Variants in C3orf52 observed in about 807,000 individuals in gnomAD.
C3orf52 encodes chromosome 3 open reading frame 52, also known as TPA-induced transmembrane protein.
Under a neutral mutation model 24.8 loss-of-function variants are expected in C3orf52, and 22 were observed. The ratio of observed to expected loss-of-function variants is 0.89; its 90% CI spans 0.63 to 1.27. The LOEUF (loss-of-function observed/expected upper bound fraction) is 1.27. Among genes scored for constraint, C3orf52 ranks in the 50% most tolerant of loss-of-function variants. The pLI is 0.00. For missense variants in C3orf52, 265 were observed against 260.7 expected, an observed-to-expected ratio of 1.02 and a Z score of -0.11; for synonymous variants, 93 against 100.2, an observed-to-expected ratio of 0.93 and a Z score of 0.43.
downstream of C3orf52, chr3:112,123,181 G>C (rs1199478092): frequency 2.1e-6 from 1 of 484,910 alleles, no homozygotes; most frequent in Non-Finnish European, 3.7e-6. Context: ...AGGGGAATCA[G>C]GGAGCCCCTC....
At chr3:112,133,012 A>G (rs1198313516), downstream of C3orf52, 34 of 1,438,884 alleles carry the variant, frequency 2.4e-5, no homozygotes, top group Admixed American at 4.7e-4. Context: ...TGCTAACTGT[A>G]TACTAGCTTT....
At chr3:112,105,248 T>C (rs1389135564) in intron 3 of C3orf52, among the ~76,000 whole-genome samples, 1 of 152,148 alleles carries the variant, frequency 6.6e-6, no homozygotes, top group African/African-American at 2.4e-5. Flanking sequence ...TGAGATTACA[T>C]AAAAATAACT....
At chr3:112,090,287 CTT>C (rs386397627) in intron 1 of C3orf52, among the ~76,000 whole-genome samples, 8 of 109,028 alleles carry the variant, frequency 7.3e-5, no homozygotes, top group East Asian at 2.7e-4. Flanking sequence ...GTTTCATGTG[CTT>C]TTTTTTTTTT....
intron 2 of C3orf52, among the ~76,000 whole-genome samples, chr3:112,099,176 T>C (rs2073950376): frequency 6.6e-6 from 1 of 152,200 alleles, no homozygotes; most frequent in Non-Finnish European, 1.5e-5. Context: ...CCATCCTTGC[T>C]TCCTGTTAAG....
chr3:112,108,976 G>A (rs141058210), intron 3 of C3orf52, among the ~76,000 whole-genome samples: 16 of 152,226 alleles, frequency 1.1e-4, no homozygotes, highest in African/African-American at 3.6e-4. Flanking sequence ...GCTAGGTAGT[G>A]GAAACACAGG....
At chr3:112,133,410 T>A, downstream of C3orf52, 1 of 374,496 alleles carries the variant, frequency 2.7e-6, no homozygotes. Context: ...CTCTGGGGAA[T>A]CCCAGGTCTG....
chr3:112,124,152 C>CGCAGTTATGA, intron 4 of C3orf52, among the ~76,000 whole-genome samples: 1 of 152,302 alleles, frequency 6.6e-6, no homozygotes, highest in South Asian at 2.1e-4. Context: ...GTGCCATCCT[C>CGCAGTTATGA]GCAGTTATGA....
At chr3:112,129,674 A>G (rs2074406757), downstream of C3orf52, 1 of 152,238 alleles carries the variant, frequency 6.6e-6, no homozygotes, top group African/African-American at 2.4e-5. Context: ...CCCTGAAAAT[A>G]TGTAATTCTC....
chr3:112,109,942 A>C (rs1559974830), intron 4 of C3orf52: 1 of 247,272 alleles, frequency 4.0e-6, no homozygotes. Flanking sequence ...AATAGATCTC[A>C]GGTCGTGCTG....
At chr3:112,087,693 A>G (rs1323792976) in intron 1 of C3orf52, among the ~76,000 whole-genome samples, 1 of 152,254 alleles carries the variant, frequency 6.6e-6, no homozygotes, top group Non-Finnish European at 1.5e-5. Flanking sequence ...CCACAGAAGA[A>G]TGAAGGTTGA....
At chr3:112,087,335 C>G (rs978121554) in intron 1 of C3orf52, among the ~76,000 whole-genome samples, 1 of 152,180 alleles carries the variant, frequency 6.6e-6, no homozygotes, top group African/African-American at 2.4e-5. Flanking sequence ...TTTTCTGATT[C>G]ATCCCTAGCA....
intron 4 of C3orf52, 188 bp from the exon 5 acceptor site, chr3:112,112,776 C>T (rs1487104972): frequency 1.5e-6 from 1 of 666,918 alleles, no homozygotes; most frequent in African/African-American, 1.8e-5. Context: ...ATCACCTCAA[C>T]TTTTTGTGAT....
At chr3:112,110,538 T>C (rs1249194676) in intron 4 of C3orf52, among the ~76,000 whole-genome samples, 1 of 152,128 alleles carries the variant, frequency 6.6e-6, no homozygotes, top group African/African-American at 2.4e-5. Flanking sequence ...ACACATAGGA[T>C]ATACACACCC....
intron 4 of C3orf52, chr3:112,125,225 C>G (rs936542158): frequency 1.3e-6 from 2 of 1,563,092 alleles, no homozygotes; most frequent in Non-Finnish European, 1.8e-6. Flanking sequence ...GTTCTTATTA[C>G]CTGGATGGGA....
At chr3:112,099,839 C>T (rs1291382044) in intron 2 of C3orf52, among the ~76,000 whole-genome samples, 1 of 152,178 alleles carries the variant, frequency 6.6e-6, no homozygotes, top group Non-Finnish European at 1.5e-5. Context: ...GCAACTTTCC[C>T]ACTTACTACA....
intron 3 of C3orf52, among the ~76,000 whole-genome samples, chr3:112,103,180 G>T (rs1026020867): frequency 2.0e-5 from 3 of 152,102 alleles, no homozygotes; most frequent in African/African-American, 4.8e-5. Flanking sequence ...ACATGGACAC[G>T]AAGAGAGGAA....
At chr3:112,113,167 G>C in intron 5 of C3orf52, 22 bp downstream of exon 5, 1 of 1,562,246 alleles carries the variant, frequency 6.4e-7, no homozygotes, top group Non-Finnish European at 8.7e-7. Flanking sequence ...AAGTAAAGAA[G>C]TCAGAGTTGT....
chr3:112,123,802 A>G, intron 4 of C3orf52: 1 of 1,594,168 alleles, frequency 6.3e-7, no homozygotes, highest in Non-Finnish European at 8.6e-7. Context: ...CATCATCAAG[A>G]TTTGGTCTCT....
At chr3:112,123,178 T>A, downstream of C3orf52, 1 of 473,626 alleles carries the variant, frequency 2.1e-6, no homozygotes, top group Non-Finnish European at 3.8e-6. Flanking sequence ...TTTAGGGGAA[T>A]CAGGGAGCCC....
Sources: allele counts gnomAD v4.1 joint callset (sites outside exome capture counted in the v4.1 genomes callset), GRCh38; gene constraint gnomAD v4.1.1; transcripts MANE v1.5; gene names NCBI Gene and HGNC (gene_info 2026-07-23, HGNC 2026-07-21).